The following HNF4A variants were observed in gnomAD, a reference collection of about 807,000 sequenced individuals.
HNF4A encodes the protein hepatocyte nuclear factor 4 alpha.
Under a neutral mutation model 52.4 loss-of-function variants are expected in HNF4A, and 15 were observed. The ratio of observed to expected loss-of-function variants is 0.29; its 90% CI spans 0.19 to 0.44. The LOEUF (loss-of-function observed/expected upper bound fraction) is 0.44. Among genes scored for constraint, HNF4A ranks in the 20% least tolerant of loss-of-function variants. The pLI, the probability that HNF4A is intolerant of heterozygous loss-of-function variation, is 1.00. For synonymous variants in HNF4A, 280 were observed against 264.4 expected (o/e 1.06, Z -0.57); for missense variants, 479 against 647.2 (o/e 0.74, Z 2.82).
At chr20:44,369,938 G>T (rs2063014372) in intron 1 of HNF4A, among the ~76,000 whole-genome samples, 2 of 152,074 alleles carry the variant, frequency 1.3e-5, no homozygotes, top group Non-Finnish European at 2.9e-5. Context: ...TGACCAAAAG[G>T]CTCTCACAGG....
chr20:44,386,956 T>C (rs956433183), intron 1 of HNF4A, among the ~76,000 whole-genome samples: 18 of 152,168 alleles, frequency 1.2e-4, no homozygotes, highest in African/African-American at 4.3e-4. Flanking sequence ...TCAGTTCCTC[T>C]TGAAAGACCT....
chr20:44,388,821 T>TG (rs1487524186), intron 1 of HNF4A, among the ~76,000 whole-genome samples: 4 of 152,136 alleles, frequency 2.6e-5, no homozygotes, highest in Non-Finnish European at 5.9e-5. Flanking sequence ...CGGGATGAGG[T>TG]GGGGCGGCAA....
rs111805863 is a variant in HNF4A at position 44,413,905 on chromosome 20, G to C, written c.492+105G>C. 2,174 of 778,178 alleles carry C rather than the reference G, an allele frequency of 2.8e-3. 20 individuals carry two copies. Among genetic ancestry groups the C allele is most frequent in the African/African-American group, 0.019 (1,118 of 58,838 alleles). 48.2% of individuals were successfully genotyped at this position (778,178 alleles called of 1,614,324 possible). A position where few individuals can be genotyped will look rare whatever the true frequency, so the allele number is the denominator to read the frequency against. On this transcript the variant is annotated intron_variant, in intron 4 of 9. Coordinates refer to ENST00000316099, the MANE Select transcript of HNF4A (RefSeq NM_000457.6). ...AGCCAGGCCCTGGAGCAGCTGACGG[G>C]AGGGGCCTCAGATATTACAGAAGGG... is the stretch of plus-strand genomic sequence containing the variant.
intron 9 of HNF4A, among the ~76,000 whole-genome samples, chr20:44,429,277 A>G (rs1285518177): frequency 2.2e-4 from 33 of 152,176 alleles, no homozygotes; most frequent in Admixed American, 2.2e-3. Context: ...TAAATGATGG[A>G]GGAGATGGGT....
rs148287811 is a variant in HNF4A, at chr20:44,404,318, G to A, written c.116-1740G>A. Among the ~76,000 whole-genome samples, 3 of 152,266 alleles carry A rather than the reference G, an allele frequency of 2.0e-5. No homozygotes were observed. In the East Asian group the frequency reaches 5.8e-4, roughly 29 times the overall value. ...AGAGAAGTAAACGAACACAGTCAAT[G>A]TCACACGGCTAAAAAGTGGGCAAGC... On this transcript the variant is annotated intron_variant, in intron 1 of 9. Coordinates refer to ENST00000316099, the MANE Select transcript of HNF4A (RefSeq NM_000457.6).
intron 8 of HNF4A, among the ~76,000 whole-genome samples, chr20:44,424,837 G>A (rs1467179899): frequency 6.6e-6 from 1 of 152,196 alleles, no homozygotes; most frequent in East Asian, 1.9e-4. Flanking sequence ...AGAAAGAAGG[G>A]CAAGGTTGTG....
intron 1 of HNF4A, among the ~76,000 whole-genome samples, chr20:44,404,809 CTG>C (rs1286787299): frequency 0.033 from 17 of 522 alleles, no homozygotes; most frequent in Non-Finnish European, 0.043. Flanking sequence ...GGTGTGTGGA[CTG>C]TGTGGTGTGT....
At position 44,383,857 on chromosome 20, in the gene HNF4A, A is replaced by AT. The variant is rs111670563; in HGVS notation, c.50-22191dup. 5.0e-3 allele frequency among the ~76,000 whole-genome samples: 702 copies of AT among 141,146 alleles called. 6 individuals carry two copies. Among genetic ancestry groups the AT allele is most frequent in the African/African-American group, 0.018 (674 of 37,428 alleles). 92.6% of individuals were successfully genotyped at this position (141,146 alleles called of 152,430 possible). On this transcript the variant is annotated intron_variant, in intron 1 of 9. Transcript: ENST00000316673. ...GCATGAGCCACCGCACCTGGCTCCC[A>AT]TTTTTTTTTTAAGACGGAGTTTCAC...
At chr20:44,425,213 A>T (rs1381286718) in intron 8 of HNF4A, among the ~76,000 whole-genome samples, 1 of 152,176 alleles carries the variant, frequency 6.6e-6, no homozygotes, top group Non-Finnish European at 1.5e-5. Flanking sequence ...CAAACTCCTG[A>T]CCTCAAGTGA....
intron 1 of HNF4A, among the ~76,000 whole-genome samples, chr20:44,404,854 G>GTGTGTATGTAA (rs1568720247): frequency 5.2e-5 from 1 of 19,236 alleles, no homozygotes; most frequent in Non-Finnish European, 1.0e-4. Context: ...GTGACTGTGT[G>GTGTGTATGTAA]GTGTGTGTGC....
rs1248753244 is a variant in HNF4A at position 44,414,557 on chromosome 20, T to C, written c.543T>C (p.Ile181=). The C allele has an allele frequency of 1.9e-6, 3 of 1,614,228 alleles. No individual in the cohort carries two copies. The highest frequency in any genetic ancestry group is 2.5e-6 in the Non-Finnish European group (3 of 1,180,046). ...ACGGCGACATTCGGGCGAAGAAGAT[T>C]GCCAGCATCGCAGATGTGTGTGAGT... Residue 181 remains isoleucine, a synonymous_variant, in exon 5 of 10, where the codon ATT becomes ATC. Transcript: ENST00000316099.
chr20:44,415,387 G>A (rs116629907), intron 5 of HNF4A, among the ~76,000 whole-genome samples: 27 of 152,214 alleles, frequency 1.8e-4, no homozygotes, highest in African/African-American at 4.6e-4. Context: ...ATTTCCCACC[G>A]TACATTTTTT....
intron 8 of HNF4A, among the ~76,000 whole-genome samples, chr20:44,426,992 C>A (rs2063821729): frequency 6.6e-6 from 1 of 152,164 alleles, no homozygotes; most frequent in Admixed American, 6.5e-5. Flanking sequence ...CTGAAGATGA[C>A]AAGGCGAGGG....
At chr20:44,416,147 C>T (rs1215095385) in intron 5 of HNF4A, among the ~76,000 whole-genome samples, 1 of 152,198 alleles carries the variant, frequency 6.6e-6, no homozygotes, top group African/African-American at 2.4e-5. Flanking sequence ...GCCCACCCCC[C>T]AGAACAGCTG....
At chr20:44,364,339 C>A (rs2062949085) in intron 1 of HNF4A, among the ~76,000 whole-genome samples, 2 of 152,186 alleles carry the variant, frequency 1.3e-5, no homozygotes, top group African/African-American at 2.4e-5. Flanking sequence ...CTGCACCCGG[C>A]ACTCTGTTTT....
chr20:44,433,057 G>A (rs893741066), downstream of HNF4A: 1 of 152,210 alleles, frequency 6.6e-6, no homozygotes, highest in Admixed American at 6.5e-5. Context: ...CTTTCCAGAT[G>A]AGGAGACTGA....
chr20:44,425,983 T>A (rs1306165689), intron 8 of HNF4A, among the ~76,000 whole-genome samples: 1 of 152,092 alleles, frequency 6.6e-6, no homozygotes, highest in Non-Finnish European at 1.5e-5. Flanking sequence ...TCATTAAGCA[T>A]GAGATGACTA....
intron 1 of HNF4A, among the ~76,000 whole-genome samples, chr20:44,404,831 G>GC (rs1568720155): frequency 0.015 from 9 of 612 alleles, no homozygotes; most frequent in East Asian, 0.042. Flanking sequence ...TGTGAACTGT[G>GC]GTGTGTGTGT....
At chr20:44,371,697 C>T (rs1254989002) in intron 1 of HNF4A, among the ~76,000 whole-genome samples, 3 of 152,026 alleles carry the variant, frequency 2.0e-5, no homozygotes, top group Admixed American at 6.6e-5. Context: ...TGCTGGAGCA[C>T]GCCTGTAATC....
Sources: allele counts gnomAD v4.1 joint callset (sites outside exome capture counted in the v4.1 genomes callset), GRCh38; gene constraint gnomAD v4.1.1; transcripts MANE v1.5; gene names NCBI Gene and HGNC (gene_info 2026-07-23, HGNC 2026-07-21).